Variants in TBC1D22A observed in about 807,000 individuals in gnomAD.
TBC1D22A encodes the protein putative GTPase activator.
A neutral mutation model predicts 60.2 loss-of-function variants in TBC1D22A; 38 were observed. The ratio of observed to expected loss-of-function variants is 0.63; its 90% CI spans 0.49 to 0.83. The LOEUF (loss-of-function observed/expected upper bound fraction) is 0.83. Ranked by LOEUF, TBC1D22A falls within the 40% of genes least tolerant of loss-of-function variation. The pLI is 0.00. For synonymous variants in TBC1D22A, 302 were observed against 281.7 expected (o/e 1.07, Z -0.72); for missense variants, 628 against 701.0 (o/e 0.90, Z 1.18).
intron 11 of TBC1D22A, among the ~76,000 whole-genome samples, chr22:47,084,405 A>G (rs2064596604): frequency 6.6e-6 from 1 of 152,310 alleles, no homozygotes; most frequent in South Asian, 2.1e-4. Context: ...AGGTTGCTGC[A>G]TTTCTGTTAG....
At chr22:47,059,020 C>G (rs1377269511) in intron 11 of TBC1D22A, among the ~76,000 whole-genome samples, 6 of 152,178 alleles carry the variant, frequency 3.9e-5, no homozygotes, top group Non-Finnish European at 8.8e-5. Flanking sequence ...ACACTCTACA[C>G]GTCCCCTGTC....
At chr22:46,932,848 C>A (rs1172412585) in intron 8 of TBC1D22A, among the ~76,000 whole-genome samples, 1 of 151,246 alleles carries the variant, frequency 6.6e-6, no homozygotes, top group Non-Finnish European at 1.5e-5. Flanking sequence ...CCTCAGCCTC[C>A]TGATTAGCTG....
intron 4 of TBC1D22A, among the ~76,000 whole-genome samples, chr22:46,831,880 G>A (rs1476388642): frequency 6.6e-6 from 1 of 152,206 alleles, no homozygotes; most frequent in Non-Finnish European, 1.5e-5. Flanking sequence ...AGGATACAAT[G>A]TTGGAATGTT....
intron 10 of TBC1D22A, among the ~76,000 whole-genome samples, chr22:47,008,470 G>A (rs2061654789): frequency 6.6e-6 from 1 of 152,224 alleles, no homozygotes; most frequent in Admixed American, 6.5e-5. Flanking sequence ...CCTGAACCAG[G>A]ACAGGGCCTT....
chr22:46,889,794 A>G (rs955962825), intron 5 of TBC1D22A, among the ~76,000 whole-genome samples: 2 of 152,180 alleles, frequency 1.3e-5, no homozygotes, highest in African/African-American at 4.8e-5. Flanking sequence ...AGCCTCAGCC[A>G]TGCACAGTGA....
intron 1 of TBC1D22A, among the ~76,000 whole-genome samples, chr22:46,780,818 G>T (rs1001030357): frequency 6.6e-6 from 1 of 152,248 alleles, no homozygotes; most frequent in Non-Finnish European, 1.5e-5. Context: ...AGCGTAGTCA[G>T]TAGAAGCTGA....
chr22:46,824,141 A>G (rs1053305417), intron 4 of TBC1D22A, among the ~76,000 whole-genome samples: 7 of 152,164 alleles, frequency 4.6e-5, no homozygotes, highest in African/African-American at 1.7e-4. Flanking sequence ...GATAACTTAC[A>G]CTCAGTTTTC....
chr22:46,966,930 C>T (rs1188967760), intron 8 of TBC1D22A, among the ~76,000 whole-genome samples: 3 of 152,092 alleles, frequency 2.0e-5, no homozygotes, highest in African/African-American at 7.2e-5. Context: ...TGTCGGTTCT[C>T]ATCATTTGGG....
chr22:46,994,969 G>A (rs1371819266), intron 9 of TBC1D22A, among the ~76,000 whole-genome samples: 1 of 152,218 alleles, frequency 6.6e-6, no homozygotes, highest in Non-Finnish European at 1.5e-5. Context: ...ATATACGAAA[G>A]CTCACAATTT....
chr22:47,004,658 CTA>C (rs1402184821), intron 10 of TBC1D22A, among the ~76,000 whole-genome samples: 1 of 146,300 alleles, frequency 6.8e-6, no homozygotes, highest in Admixed American at 6.8e-5. Flanking sequence ...ACTCAGATGC[CTA>C]TATACACACA....
chr22:47,036,833 C>T (rs2062673159), intron 10 of TBC1D22A, among the ~76,000 whole-genome samples: 2 of 152,226 alleles, frequency 1.3e-5, no homozygotes, highest in Non-Finnish European at 2.9e-5. Context: ...CGAACATGTC[C>T]ATGATTATAA....
intron 5 of TBC1D22A, among the ~76,000 whole-genome samples, chr22:46,883,998 C>G (rs2147533940): frequency 6.6e-6 from 1 of 152,306 alleles, no homozygotes; most frequent in South Asian, 2.1e-4. Context: ...CTGACAGGAT[C>G]TCTGCACGTC....
intron 3 of TBC1D22A, among the ~76,000 whole-genome samples, chr22:46,795,991 G>A (rs1342707692): frequency 1.3e-5 from 2 of 152,212 alleles, no homozygotes; most frequent in African/African-American, 2.4e-5. Flanking sequence ...CTCAGGTGCT[G>A]GTTCTCAGCC....
rs141529714 is a variant in TBC1D22A, at chr22:47,086,126, C to T, written c.1330-25382C>T. 8.3e-3 allele frequency among the ~76,000 whole-genome samples: 1,269 copies of T among 152,308 alleles called. 16 individuals carry two copies. The highest frequency in any genetic ancestry group is 0.05 in the Admixed American group (759 of 15,302). On this transcript the variant is annotated intron_variant, in intron 11 of 12. Transcript: ENST00000337137. Reference sequence around the variant, plus strand: ...CTGTAGCCCAGCGCTCTTCTGGGAGCGCTGTGGCTCCCATGTGTACCATTT... The same window carrying T: ...CTGTAGCCCAGCGCTCTTCTGGGAGTGCTGTGGCTCCCATGTGTACCATTT...
Position 46,912,098 on chromosome 22 carries a change from T to C in TBC1D22A, c.925T>C (p.Trp309Arg). The change falls in exon 8 of 13, where the codon TGG (tryptophan) becomes CGG (arginine). Residue 309 changes from tryptophan (W) to arginine (R), a missense_variant. Trp to Arg is a moderately radical substitution (Grantham distance 101, BLOSUM62 -3). Coordinates refer to ENST00000337137, the MANE Select transcript of TBC1D22A (RefSeq NM_014346.5). ...GATTTTTGAAAGGATCTTGTTCATA[T>C]GGGCGATCCGCCACCCAGCCAGTGG... is the stretch of plus-strand genomic sequence containing the variant. ...TEIFERILFI[W>R]AIRHPASGYV... 6.2e-7 allele frequency: 1 copy of C among 1,613,942 alleles called. No homozygotes were observed. The highest frequency in any genetic ancestry group is 1.6e-4 in the Middle Eastern group (1 of 6,062).
At position 47,079,982 on chromosome 22, in the gene TBC1D22A, T is replaced by C. The variant is rs1001194425; in HGVS notation, c.1330-31526T>C. Among the ~76,000 whole-genome samples, 5 of 152,296 alleles carry C rather than the reference T, an allele frequency of 3.3e-5. No homozygotes were observed. In the East Asian group the frequency reaches 5.8e-4, roughly 18 times the overall value. On this transcript the variant is annotated intron_variant, in intron 11 of 12. Transcript: ENST00000337137. ...CAGTAGAAGGCTGGCTACATTAATA[T>C]CAAATTAGGGAGACTGCAAGACATA...
At chr22:47,010,815 C>CATT (rs35875635) in intron 10 of TBC1D22A, among the ~76,000 whole-genome samples, 65,206 of 151,668 alleles carry the variant, frequency 0.43, 16,232 homozygotes, top group African/African-American at 0.7. Context: ...AAGAGGGATG[C>CATT]ATATAGAACA....
intron 5 of TBC1D22A, among the ~76,000 whole-genome samples, chr22:46,883,743 C>T (rs1336088511): frequency 1.3e-5 from 2 of 152,234 alleles, no homozygotes; most frequent in Non-Finnish European, 2.9e-5. Context: ...CACTGGCACA[C>T]AGGCCTTCTC....
Position 46,808,510 on chromosome 22 carries a change from A to G in TBC1D22A, c.637+10890A>G, listed in dbSNP as rs115516388. On this transcript the variant is annotated intron_variant, in intron 4 of 12. Coordinates refer to ENST00000337137, the MANE Select transcript of TBC1D22A (RefSeq NM_014346.5). ...GAATAAAGCAAATCCTTGGTTTTGC[A>G]TAGAGAGGTGAAGGATATCACCTTT... Among the ~76,000 whole-genome samples, 753 of 152,332 alleles carry G rather than the reference A, an allele frequency of 4.9e-3. 6 individuals carry two copies. Among genetic ancestry groups the G allele is most frequent in the African/African-American group, 0.017 (713 of 41,566 alleles).
Sources: allele counts gnomAD v4.1 joint callset (sites outside exome capture counted in the v4.1 genomes callset), GRCh38; gene constraint gnomAD v4.1.1; transcripts MANE v1.5; gene names NCBI Gene and HGNC (gene_info 2026-07-23, HGNC 2026-07-21).